The following ARAP2 variants were observed in gnomAD, a reference collection of about 807,000 sequenced individuals.
The protein encoded by ARAP2 is arf-GAP with Rho-GAP domain, ANK repeat and PH domain-containing protein 2.
ARAP2 carries 148 observed loss-of-function variants against 194.5 expected under a neutral mutation model. That is an observed-to-expected ratio of 0.76 (90% CI 0.67 to 0.87). The LOEUF is 0.87. Ranked by LOEUF, ARAP2 falls within the 40% of genes least tolerant of loss-of-function variation. The pLI is 0.00. For synonymous variants in ARAP2, 695 were observed against 683.5 expected, an observed-to-expected ratio of 1.02 and a Z score of -0.26; for missense variants, 2,128 against 1,989.7, an observed-to-expected ratio of 1.07 and a Z score of -1.32.
chr4:36,160,544 C>A lies in ARAP2; in HGVS notation c.2357G>T (p.Arg786Ile). The change falls in exon 13 of 33, where the codon AGA becomes ATA. Residue 786 changes from arginine to isoleucine, a missense_variant. Coordinates refer to ENST00000303965, the MANE Select transcript of ARAP2 (RefSeq NM_015230.4). ...ATATTTCTGAGTAATAAAGTTTTTTCTCTTTTCTACTGGTGAGTCCATATG... is the reference window on the plus strand; with the variant it reads ...ATATTTCTGAGTAATAAAGTTTTTTATCTTTTCTACTGGTGAGTCCATATG... ...ELHMDSPVEK[R>I]KNFITQKYKE... 1.3e-6 allele frequency: 2 copies of A among 1,570,842 alleles called. No individual in the cohort carries two copies. The highest frequency in any genetic ancestry group is 1.7e-6 in the Non-Finnish European group (2 of 1,164,286).
chr4:36,073,529 T>A (rs1484920151), intron 32 of ARAP2, among the ~76,000 whole-genome samples, 160 bp downstream of exon 32: 1 of 152,168 alleles, frequency 6.6e-6, no homozygotes, highest in Non-Finnish European at 1.5e-5. Flanking sequence ...TATAAGGTTA[T>A]TCATACTGTT....
intron 23 of ARAP2, among the ~76,000 whole-genome samples, chr4:36,119,949 T>C (rs538178746): frequency 6.6e-5 from 10 of 151,626 alleles, no homozygotes; most frequent in Non-Finnish European, 8.9e-5. Context: ...TGCAATTGCA[T>C]TGATGGAAGT....
chr4:36,126,542 T>G (rs1405687603), intron 21 of ARAP2, among the ~76,000 whole-genome samples: 1 of 152,042 alleles, frequency 6.6e-6, no homozygotes, highest in African/African-American at 2.4e-5. Context: ...AGGTATACAG[T>G]ACATCAAAAG....
intron 26 of ARAP2, among the ~76,000 whole-genome samples, chr4:36,110,307 G>C (rs1419726865): frequency 6.6e-6 from 1 of 151,928 alleles, no homozygotes; most frequent in Non-Finnish European, 1.5e-5. Flanking sequence ...AGCAGTTTAT[G>C]TGTCAGTCAG....
chr4:36,051,860 T>C (rs1722723621), intron 3 of ARAP2: 1 of 152,254 alleles, frequency 6.6e-6, no homozygotes, highest in Admixed American at 6.5e-5. Context: ...ATTCAAATGC[T>C]GTTTGTGACG....
chr4:36,112,801 GA>G lies in ARAP2; in HGVS notation c.4156+1368del, dbSNP rs1270174406. Among the ~76,000 whole-genome samples the G allele has an allele frequency of 2.6e-5, 4 of 151,764 alleles. No individual in the cohort carries two copies. The East Asian group carries it at 7.8e-4, about 29-fold the overall frequency. The stretch of plus-strand genomic sequence containing the variant: ...AAAGAGAAATGAGACAAAGTACAAT[GA>G]AAATTTTAGTCTAGGTTTTAAAAGA... On this transcript the variant is annotated intron_variant, in intron 26 of 32. Coordinates refer to ENST00000303965, the MANE Select transcript of ARAP2 (RefSeq NM_015230.4).
intron 2 of ARAP2, among the ~76,000 whole-genome samples, chr4:36,056,909 T>C (rs1723608152): frequency 1.4e-5 from 2 of 139,180 alleles, no homozygotes; most frequent in South Asian, 4.5e-4. Flanking sequence ...CACAAGACAT[T>C]ATATCATCAT....
chr4:36,108,842 A>G (rs1443565966), intron 26 of ARAP2, among the ~76,000 whole-genome samples: 2 of 151,984 alleles, frequency 1.3e-5, no homozygotes, highest in African/African-American at 2.4e-5. Context: ...ATTGAAAATA[A>G]TAAGAAAAGA....
chr4:36,205,284 C>T lies in ARAP2; in HGVS notation c.1487+5106G>A, dbSNP rs1233438659. Among the ~76,000 whole-genome samples, 6 of 151,526 alleles carry T rather than the reference C, an allele frequency of 4.0e-5. 1 individual carries two copies. The highest frequency in any genetic ancestry group is 2.0e-4 in the Admixed American group (3 of 15,216). On this transcript the variant is annotated intron_variant, in intron 6 of 32. Coordinates refer to ENST00000303965, the MANE Select transcript of ARAP2 (RefSeq NM_015230.4). ...CATGGTGGTACATCAATAGCTAATC[C>T]CTAACACTGAAAAGTTAAAAAAAAA...
chr4:36,140,001 A>G (rs1727858097), intron 19 of ARAP2, among the ~76,000 whole-genome samples: 1 of 151,544 alleles, frequency 6.6e-6, no homozygotes, highest in Non-Finnish European at 1.5e-5. Context: ...AGCCCATCCT[A>G]TTTCTCTGAA....
At chr4:36,233,505 C>A (rs1751905536) in intron 1 of ARAP2, among the ~76,000 whole-genome samples, 1 of 152,208 alleles carries the variant, frequency 6.6e-6, no homozygotes, top group African/African-American at 2.4e-5. Flanking sequence ...CCCACCTGAG[C>A]CTAAGCTCAT....
At chr4:36,237,781 T>A (rs1752718119) in intron 1 of ARAP2, among the ~76,000 whole-genome samples, 1 of 152,226 alleles carries the variant, frequency 6.6e-6, no homozygotes, top group Admixed American at 6.5e-5. Flanking sequence ...TAATACACCA[T>A]CTTTGCTTTG....
At chr4:36,222,558 T>G (rs1749411502) in intron 2 of ARAP2, among the ~76,000 whole-genome samples, 2 of 152,046 alleles carry the variant, frequency 1.3e-5, no homozygotes, top group African/African-American at 4.8e-5. Context: ...CAAAAACATC[T>G]ATAACAATGC....
At chr4:36,195,659 T>C (rs771164620) in intron 6 of ARAP2, among the ~76,000 whole-genome samples, 1 of 152,178 alleles carries the variant, frequency 6.6e-6, no homozygotes, top group East Asian at 1.9e-4. Context: ...GGGCCTCCCA[T>C]TACCCCACTA....
rs1251178942 is a variant in ARAP2, at chr4:36,066,892, T to C, written c.*1015A>G. The C allele has an allele frequency of 1.3e-5, 2 of 152,196 alleles. No individual in the cohort carries two copies. The highest frequency in any genetic ancestry group is 4.8e-5 in the African/African-American group (2 of 41,464). 9.4% of individuals were successfully genotyped at this position (152,196 alleles called of 1,614,324 possible). On this transcript the variant is annotated 3_prime_UTR_variant, in exon 33 of 33. Coordinates refer to ENST00000303965, the MANE Select transcript of ARAP2 (RefSeq NM_015230.4). ...GGCTCCATAATGGCCATATATTGTA[T>C]TCTTCCAGTTATTTCTGACAACTCG...
At chr4:36,078,731 A>G (rs746894150) in intron 31 of ARAP2, among the ~76,000 whole-genome samples, 3 of 152,216 alleles carry the variant, frequency 2.0e-5, no homozygotes, top group South Asian at 2.1e-4. Flanking sequence ...TTCATTGTTT[A>G]AATTTCAACT....
intron 6 of ARAP2, among the ~76,000 whole-genome samples, chr4:36,204,094 G>GT (rs1390859911): frequency 6.6e-6 from 1 of 152,160 alleles, no homozygotes; most frequent in Non-Finnish European, 1.5e-5. Flanking sequence ...AGCAGAAAGG[G>GT]AAAATGGAAA....
chr4:36,125,026 GTCTA>G (rs990543966), intron 21 of ARAP2, 59 bp from the exon 22 acceptor site: 1 of 1,122,170 alleles, frequency 8.9e-7, no homozygotes, highest in African/African-American at 1.5e-5. Context: ...TTATGGATTT[GTCTA>G]TCAGCAGTAT....
intron 15 of ARAP2, among the ~76,000 whole-genome samples, chr4:36,153,361 A>G (rs1253463733): frequency 1.3e-5 from 2 of 152,158 alleles, no homozygotes; most frequent in Non-Finnish European, 2.9e-5. Flanking sequence ...CAATTTAGAT[A>G]TTCACTCCTA....
Sources: gnomAD v4.1 joint callset for allele counts (sites outside exome capture counted in the v4.1 genomes callset) on GRCh38, gnomAD v4.1.1 for gene constraint, MANE v1.5 for transcripts, NCBI Gene and HGNC (gene_info 2026-07-23, HGNC 2026-07-21) for gene names.